The following DIXDC1 variants were observed in gnomAD, a reference collection of about 807,000 sequenced individuals.
DIXDC1 encodes the protein DIX domain containing 1.
Under a neutral mutation model 103.1 loss-of-function variants are expected in DIXDC1, and 64 were observed. The ratio of observed to expected loss-of-function variants is 0.62; its 90% confidence interval spans 0.51 to 0.76. DIXDC1 has a LOEUF of 0.76. DIXDC1 is among the 30% of genes least tolerant of loss of function. DIXDC1 has a pLI of 0.00. For synonymous variants in DIXDC1, 266 were observed against 298.5 expected (o/e 0.89, Z 1.12); for missense variants, 759 against 834.2 (o/e 0.91, Z 1.11).
chr11:111,929,993 T>A, intron 2 of DIXDC1: 1 of 1,282,944 alleles, frequency 7.8e-7, no homozygotes, highest in Non-Finnish European at 1.1e-6. Context: ...GATTTCTCCA[T>A]CAGGACTCAG....
At chr11:111,928,976 G>C (rs1364149743) in intron 1 of DIXDC1, among the ~76,000 whole-genome samples, 2 of 152,164 alleles carry the variant, frequency 1.3e-5, no homozygotes, top group Non-Finnish European at 2.9e-5. Context: ...CAGGAGTTGA[G>C]ACCAGCCTGG....
intron 4 of DIXDC1, 113 bp downstream of exon 4, chr11:111,974,367 A>G (rs1555172390): frequency 9.6e-7 from 1 of 1,045,938 alleles, no homozygotes; most frequent in Non-Finnish European, 1.4e-6. Flanking sequence ...GATTGCAGAA[A>G]AGAACATGGA....
At chr11:111,986,958 A>G in intron 9 of DIXDC1, 34 bp downstream of exon 9, 1 of 1,538,572 alleles carries the variant, frequency 6.5e-7, no homozygotes, top group South Asian at 1.2e-5. Context: ...ACCCCTTAAA[A>G]ACATTATGGG....
chr11:111,999,874 G>A (rs369062076), intron 17 of DIXDC1, among the ~76,000 whole-genome samples: 5 of 152,092 alleles, frequency 3.3e-5, no homozygotes, highest in Non-Finnish European at 5.9e-5. Context: ...CCAGGTTCAC[G>A]CCTGTAATCC....
chr11:111,995,436 C>A lies in DIXDC1; in HGVS notation c.1561C>A (p.Arg521Ser), dbSNP rs150949729. 11 of 1,613,310 alleles carry A rather than the reference C, an allele frequency of 6.8e-6. No individual in the cohort carries two copies. In the Admixed American group the frequency reaches 1.8e-4, roughly 27 times the overall value. ...CCTGCAGCTTGTTCGAGATGCTCTC[C>A]GCAGCCTGCGCAACAGCTTCAGTGG... ...SDLQLVRDALRSLRNSFSGHD... is the reference protein window; with the variant it reads ...SDLQLVRDALSSLRNSFSGHD... Residue 521 changes from arginine to serine, a missense_variant, in exon 16 of 20, where the codon CGC (arginine) becomes AGC (serine). Transcript: ENST00000440460.
chr11:111,993,808 A>C (rs587763577), intron 14 of DIXDC1, 68 bp downstream of exon 14: 2 of 1,560,148 alleles, frequency 1.3e-6, no homozygotes, highest in East Asian at 4.6e-5. Context: ...TTTCTGACTC[A>C]GAGCTGAACC....
At chr11:111,929,793 A>G (rs913711177) in intron 1 of DIXDC1, 13 of 1,415,566 alleles carry the variant, frequency 9.2e-6, no homozygotes. Context: ...GTTATTTTGT[A>G]CATTTCTTAT....
chr11:111,972,304 T>C (rs1186678666), intron 3 of DIXDC1, among the ~76,000 whole-genome samples: 1 of 152,228 alleles, frequency 6.6e-6, no homozygotes, highest in African/African-American at 2.4e-5. Flanking sequence ...AATTTAGAGT[T>C]CCACGATACC....
intron 1 of DIXDC1, among the ~76,000 whole-genome samples, chr11:111,942,659 G>A (rs1406558101): frequency 6.6e-6 from 1 of 152,236 alleles, no homozygotes; most frequent in Non-Finnish European, 1.5e-5. Context: ...AGCAGAGAGT[G>A]TTTGGGGACT....
chr11:112,015,221 C>T (rs587698079), intron 17 of DIXDC1: 2 of 152,312 alleles, frequency 1.3e-5, no homozygotes, highest in African/African-American at 4.8e-5. Context: ...TGAAAACAGA[C>T]TGAATGCCAT....
chr11:111,980,598 T>G, intron 5 of DIXDC1, 139 bp from the exon 6 acceptor site: 1 of 579,600 alleles, frequency 1.7e-6, no homozygotes, highest in South Asian at 2.6e-5. Flanking sequence ...TTTTATTTTC[T>G]GTGGGCCAAG....
In DIXDC1 at chr11:112,022,353, T is replaced by C. The variant is rs1352241070; in HGVS notation, c.*3317T>C. 6.6e-6 allele frequency: 1 copy of C among 152,296 alleles called. No individual in the cohort carries two copies. Among genetic ancestry groups the C allele is most frequent in the Non-Finnish European group, 1.5e-5 (1 of 68,030 alleles). 9.4% of individuals were successfully genotyped at this position (152,296 alleles called of 1,614,324 possible). A position where few individuals can be genotyped will look rare whatever the true frequency, so the allele number is the denominator to read the frequency against. ...AGGTATAGCTTGCTTAAAATACATA[T>C]ATATGTAAAGTTATATTTTCTTAGA... On this transcript the variant is annotated 3_prime_UTR_variant, in exon 20 of 20. Transcript: ENST00000440460. The surrounding 1 kb of genome is among the most constrained non-coding windows in gnomAD (Gnocchi z 4.9).
In DIXDC1 at chr11:111,927,688, A is replaced by G. The variant is rs1440437851; in HGVS notation, c.-37+301A>G. ...ATTAAAGACTGGTAGAGTACTGAAA[A>G]TGAAATTGTAGCACACGCACACACA... On this transcript the variant is annotated intron_variant, in intron 1 of 5. Transcript: ENST00000529225. Among the ~76,000 whole-genome samples, 4 of 152,052 alleles carry G rather than the reference A, an allele frequency of 2.6e-5. No homozygotes were observed. In the East Asian group the frequency reaches 7.8e-4, roughly 29 times the overall value.
chr11:111,934,823 A>G (rs1966143114), upstream of DIXDC1, among the ~76,000 whole-genome samples: 2 of 152,250 alleles, frequency 1.3e-5, no homozygotes, highest in Non-Finnish European at 2.9e-5. Flanking sequence ...ACTATGTAAA[A>G]TAGTATAATT....
In DIXDC1 at chr11:111,993,661, T is replaced by C. The variant is rs587747315; in HGVS notation, c.1366-8T>C. On this transcript the variant is annotated splice_polypyrimidine_tract_variant and splice_region_variant and intron_variant, in intron 13 of 19. Transcript: ENST00000440460. ...AAATCATTTTCTGATTTAGTGTCTA[T>C]TTTGCAGGTGGATCTAGAGCGAGAG... 6.2e-7 allele frequency: 1 copy of C among 1,614,032 alleles called. No individual in the cohort carries two copies. Among genetic ancestry groups the C allele is most frequent in the South Asian group, 1.1e-5 (1 of 91,082 alleles).
chr11:112,003,841 C>A (rs1423151466), intron 17 of DIXDC1, among the ~76,000 whole-genome samples: 1 of 151,384 alleles, frequency 6.6e-6, no homozygotes, highest in African/African-American at 2.4e-5. Flanking sequence ...TGATGGATAT[C>A]CCAGTTACTC....
chr11:112,008,154 C>A (rs1361805674), intron 17 of DIXDC1, among the ~76,000 whole-genome samples: 4 of 149,400 alleles, frequency 2.7e-5, no homozygotes, highest in African/African-American at 4.9e-5. Flanking sequence ...AAAAGAAAAG[C>A]AGGGATTGAA....
intron 17 of DIXDC1, among the ~76,000 whole-genome samples, chr11:112,000,434 C>T (rs1861030629): frequency 6.6e-6 from 1 of 152,130 alleles, no homozygotes; most frequent in Non-Finnish European, 1.5e-5. Context: ...TGCGGTGGCT[C>T]ACACTTGTAA....
At chr11:111,947,776 A>G (rs1566469386) in intron 1 of DIXDC1, among the ~76,000 whole-genome samples, 1 of 152,246 alleles carries the variant, frequency 6.6e-6, no homozygotes, top group Non-Finnish European at 1.5e-5. Flanking sequence ...GTCAGCATGC[A>G]AACATAGTGA....
Sources: allele counts gnomAD v4.1 joint callset (sites outside exome capture counted in the v4.1 genomes callset), GRCh38; gene constraint gnomAD v4.1.1; non-coding constraint Gnocchi (gnomAD v3.1); transcripts MANE v1.5; gene names NCBI Gene and HGNC (gene_info 2026-07-23, HGNC 2026-07-21).